The following CDK12 variants were observed in gnomAD, a reference collection of about 807,000 sequenced individuals.
The protein encoded by CDK12 is cyclin dependent kinase 12.
In CDK12, 17 loss-of-function variants were observed where a neutral mutation model predicts 133.8. That is an observed-to-expected ratio of 0.13 (90% CI 0.09 to 0.19). The LOEUF is 0.19. Ranked by LOEUF, CDK12 falls within the 10% of genes least tolerant of loss-of-function variation. The pLI is 1.00. For synonymous variants in CDK12, 694 were observed against 683.6 expected, an observed-to-expected ratio of 1.02 and a Z score of -0.24; for missense variants, 1,508 against 1,818.7, an observed-to-expected ratio of 0.83 and a Z score of 3.11.
chr17:39,544,149 T>TA, upstream of CDK12: 1 of 470,012 alleles, frequency 2.1e-6, no homozygotes, highest in South Asian at 1.6e-5. Flanking sequence ...CCGTCACTGT[T>TA]ACCTACCAAT....
chr17:39,514,142 C>A (rs895926178), intron 8 of CDK12, among the ~76,000 whole-genome samples: 1 of 152,068 alleles, frequency 6.6e-6, no homozygotes, highest in Admixed American at 6.6e-5. Context: ...GCAATCTTCC[C>A]ACCTCGGCCT....
chr17:39,564,711 CCT>C (rs1180962450), intron 3 of CDK12: 2 of 152,282 alleles, frequency 1.3e-5, no homozygotes, highest in South Asian at 2.1e-4. Context: ...GTTCCCCTCC[CCT>C]GTCTATTTAT....
intron 6 of CDK12, among the ~76,000 whole-genome samples, chr17:39,503,364 C>T (rs1297435508): frequency 2.0e-5 from 3 of 152,286 alleles, no homozygotes; most frequent in East Asian, 1.9e-4. Context: ...TGAGCCACTG[C>T]GCCCGGCCAA....
rs374087903 is a variant in CDK12, at chr17:39,531,262, G to A, written c.4419G>A (p.Arg1473=). 5.3e-5 allele frequency: 80 copies of A among 1,510,154 alleles called. No homozygotes were observed. Among genetic ancestry groups the A allele is most frequent in the Non-Finnish European group, 6.2e-5 (70 of 1,132,478 alleles). 93.5% of individuals were successfully genotyped at this position (1,510,154 alleles called of 1,614,324 possible). A position where few individuals can be genotyped will look rare whatever the true frequency, so the allele number is the denominator to read the frequency against. ...TQSSAYGKLY[R]GPTRVPPRGG... is the part of the protein sequence containing the mutation. ...CTTCTGCTTATGGAAAACTCTATCG[G>A]GGGCCTACAAGAGTCCCACCAAGAG... The change falls in exon 14 of 14, where the codon CGG becomes CGA. Residue 1473 remains arginine (R), a synonymous_variant. Transcript: ENST00000447079.
chr17:39,521,874 T>G (rs2054194833), intron 11 of CDK12, among the ~76,000 whole-genome samples: 1 of 151,912 alleles, frequency 6.6e-6, no homozygotes, highest in African/African-American at 2.4e-5. Flanking sequence ...TTTTTTTTTT[T>G]TTCCAATTGT....
downstream of CDK12, chr17:39,567,142 G>A (rs960934128): frequency 6.6e-6 from 1 of 152,202 alleles, no homozygotes; most frequent in African/African-American, 2.4e-5. Context: ...CAACTAGCGG[G>A]TGAGGAGTCA....
intron 8 of CDK12, among the ~76,000 whole-genome samples, chr17:39,515,243 C>T (rs2053729081): frequency 6.6e-6 from 1 of 152,054 alleles, no homozygotes; most frequent in Non-Finnish European, 1.5e-5. Flanking sequence ...TCCAACTGAT[C>T]CTAGCTGATG....
intron 2 of CDK12, among the ~76,000 whole-genome samples, chr17:39,554,385 T>C (rs1013576293): frequency 2.0e-5 from 3 of 152,086 alleles, no homozygotes; most frequent in Admixed American, 1.3e-4. Flanking sequence ...TGCAGAACCA[T>C]AGATCTTCAG....
intron 6 of CDK12, among the ~76,000 whole-genome samples, chr17:39,506,403 CG>C (rs1226822672): frequency 2.6e-5 from 4 of 151,498 alleles, no homozygotes; most frequent in African/African-American, 9.7e-5. Flanking sequence ...TTAGTAGAGA[CG>C]GGGTTTCACC....
At chr17:39,522,365 G>A (rs2054230439) in intron 11 of CDK12, among the ~76,000 whole-genome samples, 1 of 152,134 alleles carries the variant, frequency 6.6e-6, no homozygotes, top group Non-Finnish European at 1.5e-5. Context: ...GGGATTACAG[G>A]CGTGAGCCAC....
intron 1 of CDK12, among the ~76,000 whole-genome samples, chr17:39,466,480 G>T (rs1459904882): frequency 6.6e-6 from 1 of 151,230 alleles, no homozygotes; most frequent in Non-Finnish European, 1.5e-5. Flanking sequence ...TGGGCGTGGT[G>T]TCACATGCCT....
chr17:39,523,338 A>G (rs926954777), intron 11 of CDK12, among the ~76,000 whole-genome samples: 1 of 151,968 alleles, frequency 6.6e-6, no homozygotes, highest in African/African-American at 2.4e-5. Context: ...AGCCAGGCGT[A>G]GTGGCGTGTA....
chr17:39,560,876 G>A (rs761669428), intron 3 of CDK12, among the ~76,000 whole-genome samples: 2 of 152,152 alleles, frequency 1.3e-5, no homozygotes, highest in African/African-American at 4.8e-5. Context: ...TTAGCCAGGC[G>A]TGGTGGCAAG....
chr17:39,559,873 AAG>A (rs2056311641), intron 3 of CDK12, among the ~76,000 whole-genome samples: 1 of 151,224 alleles, frequency 6.6e-6, no homozygotes, highest in African/African-American at 2.4e-5. Flanking sequence ...AAAAAAAAAA[AAG>A]AAAGAAAAAA....
chr17:39,501,206 T>A, intron 5 of CDK12, 44 bp from the exon 6 acceptor site: 1 of 1,199,166 alleles, frequency 8.3e-7, no homozygotes, highest in Non-Finnish European at 1.2e-6. Context: ...ATTTCAGCAT[T>A]CTTTTTTTTT....
rs185405943 is a variant in CDK12, at chr17:39,524,589, G to C, written c.3096-85G>C. 8.2e-4 allele frequency: 970 copies of C among 1,180,794 alleles called. 3 individuals are homozygous for C. The highest frequency in any genetic ancestry group is 5.4e-3 in the Middle Eastern group (25 of 4,664). The allele number at this position is 1,180,794 out of a possible 1,614,324, so 73.1% of individuals were successfully genotyped here. On this transcript the variant is annotated intron_variant, in intron 11 of 13. Transcript: ENST00000447079. ...ATTCTTTACATTTCCCACAGTCTTT[G>C]CCTTCCCATTTTAATCCTTTGCTCC...
chr17:39,527,892 G>A (rs896329950), intron 13 of CDK12, among the ~76,000 whole-genome samples: 1 of 151,504 alleles, frequency 6.6e-6, no homozygotes, highest in African/African-American at 2.4e-5. Context: ...CATCCTTATT[G>A]TTGTCAATCC....
rs1037749954 is a variant in CDK12 at position 39,477,998 on chromosome 17, A to G, written c.1931+6235A>G. On this transcript the variant is annotated intron_variant, in intron 2 of 13. Coordinates refer to ENST00000447079, the MANE Select transcript of CDK12 (RefSeq NM_016507.4). ...TGGGATTACAGGCATGAGCCACTGC[A>G]CCGGGCCCATCTAATTATTTTTAAA... Among the ~76,000 whole-genome samples the G allele has an allele frequency of 2.1e-3, 314 of 146,204 alleles. 1 individual carries two copies. Among genetic ancestry groups the G allele is most frequent in the Non-Finnish European group, 3.2e-3 (216 of 66,606 alleles).
At position 39,494,526 on chromosome 17, in the gene CDK12, G is replaced by C; in HGVS notation, c.2251G>C (p.Glu751Gln). ...ACAGTTTACATTTGTTTTGGCAGGAGAACTAGTGGCTCTGAAGAAGGTGAG... is the reference window on the plus strand; with the variant it reads ...ACAGTTTACATTTGTTTTGGCAGGACAACTAGTGGCTCTGAAGAAGGTGAG... Reference protein sequence around the residue: ...VYKAKDKDTGELVALKKVRLD... With the variant: ...VYKAKDKDTGQLVALKKVRLD... The change falls in exon 5 of 14, where the codon GAA becomes CAA. Residue 751 changes from glutamate to glutamine, a missense_variant and splice_region_variant. Glu to Gln is a conservative substitution (Grantham distance 29). Transcript: ENST00000447079. 6.2e-7 allele frequency: 1 copy of C among 1,613,726 alleles called. No homozygotes were observed. The highest frequency in any genetic ancestry group is 1.1e-5 in the South Asian group (1 of 91,016).
Sources: allele counts gnomAD v4.1 joint callset (sites outside exome capture counted in the v4.1 genomes callset), GRCh38; gene constraint gnomAD v4.1.1; transcripts MANE v1.5; gene names NCBI Gene and HGNC (gene_info 2026-07-23, HGNC 2026-07-21).